The following ITPR3 variants were observed in gnomAD, a reference collection of about 807,000 sequenced individuals.
ITPR3 encodes the protein inositol 1,4,5-trisphosphate-gated calcium channel ITPR3.
In ITPR3, 173 loss-of-function variants were observed where a neutral mutation model predicts 293.2. That is an observed-to-expected ratio of 0.59 (90% CI 0.52 to 0.67). The LOEUF (loss-of-function observed/expected upper bound fraction) is 0.67. Among genes scored for constraint, ITPR3 ranks in the 30% least tolerant of loss-of-function variants. The probability of loss-of-function intolerance (pLI) is 0.00; values close to 1 mark genes in which losing one functional copy is unlikely to be tolerated. For missense variants in ITPR3, 2,796 were observed against 3,592.1 expected, an observed-to-expected ratio of 0.78 and a Z score of 5.66; for synonymous variants, 1,295 against 1,444.4, an observed-to-expected ratio of 0.90 and a Z score of 2.35.
At position 33,667,918 on chromosome 6, in the gene ITPR3, G is replaced by A. The variant is rs376588706; in HGVS notation, c.1840G>A (p.Glu614Lys). 6.2e-7 allele frequency: 1 copy of A among 1,614,228 alleles called. No homozygotes were observed. The highest frequency in any genetic ancestry group is 8.5e-7 in the Non-Finnish European group (1 of 1,180,038). Residue 614 changes from glutamate (E) to lysine (K), a missense_variant, in exon 16 of 58, where the codon GAG becomes AAG. By Grantham distance (56) the Glu-to-Lys change is moderately conservative. This residue lies in a region of ITPR3 where 955 missense variants were observed against 1,180.8 expected (regional missense o/e 0.81). Coordinates refer to ENST00000605930, the MANE Select transcript of ITPR3 (RefSeq NM_002224.4). This position sits in a 1 kb window ranked among gnomAD's most constrained non-coding sequence, Gnocchi z 4.4. ...KLLEKHITKT[E>K]VETFVSLVRK... ...CCTGGAAAAGCACATCACCAAGACC[G>A]AGGTGGAGACCTTCGTCAGCCTTGT...
Position 33,673,661 on chromosome 6 carries a change from A to G in ITPR3, c.2999A>G (p.Glu1000Gly). 6.2e-7 allele frequency: 1 copy of G among 1,613,762 alleles called. No individual in the cohort carries two copies. Among genetic ancestry groups the G allele is most frequent in the Admixed American group, 1.7e-5 (1 of 60,024 alleles). The change falls in exon 23 of 58, where the codon GAG (glutamate) becomes GGG (glycine). Residue 1000 changes from glutamate to glycine, a missense_variant. Coordinates refer to ENST00000605930, the MANE Select transcript of ITPR3 (RefSeq NM_002224.4). ...LLSVFKKEFV[E>G]VFPMQDSGAD... ...TCTGTCTTCAAGAAGGAGTTTGTGG[A>G]GGTGTTTCCCATGCAGGACAGTGGG...
intron 1 of ITPR3, among the ~76,000 whole-genome samples, chr6:33,627,065 C>T (rs1443694682): frequency 6.6e-6 from 1 of 152,168 alleles, no homozygotes; most frequent in Non-Finnish European, 1.5e-5. Flanking sequence ...GCCTCGGCTT[C>T]CCAAAGTGCT....
chr6:33,626,283 G>T (rs760055143), intron 1 of ITPR3, among the ~76,000 whole-genome samples: 1 of 152,046 alleles, frequency 6.6e-6, no homozygotes, highest in African/African-American at 2.4e-5. Flanking sequence ...GTGAGTTTCC[G>T]TCAGCCTGCA....
chr6:33,640,497 C>T lies in ITPR3; in HGVS notation c.103C>T (p.Arg35Cys). The change falls in exon 2 of 58, where the codon CGC (arginine) becomes TGC (cysteine). Residue 35 changes from arginine (R) to cysteine (C), a missense_variant. Arg to Cys is a radical substitution (Grantham distance 180). Transcript: ENST00000605930. ...TTTGTTCCCCAGGCTGGTGGATGACCGCTGTGTGGTGGAGCCCGCGGCCGG... is the reference window on the plus strand; with the variant it reads ...TTTGTTCCCCAGGCTGGTGGATGACTGCTGTGTGGTGGAGCCCGCGGCCGG... Reference protein sequence around the residue: ...FISTLGLVDDRCVVEPAAGDL... With the variant: ...FISTLGLVDDCCVVEPAAGDL... 1.2e-6 allele frequency: 2 copies of T among 1,613,572 alleles called. No individual in the cohort carries two copies. The highest frequency in any genetic ancestry group is 8.5e-7 in the Non-Finnish European group (1 of 1,179,738).
At position 33,693,656 on chromosome 6, in the gene ITPR3, A is replaced by G. The variant is rs1040462339; in HGVS notation, c.7736A>G (p.Asn2579Ser). 1 of 1,614,184 alleles carries G rather than the reference A, an allele frequency of 6.2e-7. No individual in the cohort carries two copies. The highest frequency in any genetic ancestry group is 1.3e-5 in the African/African-American group (1 of 75,056). ...TTCATTGTGCTGGTCCGCGTGAAGA[A>G]CAAGACCGACTACACGGGCCCTGAG... ...LYFIVLVRVK[N>S]KTDYTGPESY... Residue 2579 changes from asparagine to serine, a missense_variant, in exon 56 of 58, where the codon AAC becomes AGC. Physicochemically the swap from Asn to Ser is conservative, Grantham distance 46. Transcript: ENST00000605930.
At position 33,655,907 on chromosome 6, in the gene ITPR3, C is replaced by T. The variant is rs191542110; in HGVS notation, c.282+20C>T. The T allele has an allele frequency of 1.1e-3, 1,809 of 1,613,330 alleles. 2 individuals carry two copies. The highest frequency in any genetic ancestry group is 1.3e-3 in the Non-Finnish European group (1,522 of 1,179,648). On this transcript the variant is annotated intron_variant, in intron 3 of 57. Coordinates refer to ENST00000605930, the MANE Select transcript of ITPR3 (RefSeq NM_002224.4). This position sits in a 1 kb window ranked among gnomAD's most constrained non-coding sequence, Gnocchi z 4.9. ...CTGCAGGTATGTGTGTGTGTGCAGG[C>T]GTGCATCTGTGCACATGTACCAGGA...
chr6:33,689,122 C>G, intron 49 of ITPR3, 116 bp from the exon 50 acceptor site: 2 of 1,240,174 alleles, frequency 1.6e-6, no homozygotes, highest in South Asian at 1.4e-5. Flanking sequence ...AACCAGGCAC[C>G]AGGAACTTAA....
chr6:33,691,620 C>G lies in ITPR3; in HGVS notation c.7231C>G (p.Pro2411Ala), dbSNP rs775105553. 5 of 1,613,882 alleles carry G rather than the reference C, an allele frequency of 3.1e-6. No homozygotes were observed. The East Asian group carries it at 1.1e-4, about 36-fold the overall frequency. Residue 2411 changes from proline to alanine, a missense_variant, in exon 53 of 58, where the codon CCC (proline) becomes GCC (alanine). This residue lies in a region of ITPR3 where 568 missense variants were observed against 796.1 expected (regional missense o/e 0.71). Transcript: ENST00000605930. The surrounding 1 kb of genome is among the most constrained non-coding windows in gnomAD (Gnocchi z 4.9). ...RLPNNHSTAS[P>A]LGMPHGAAAF... ...CTCATCCATATCCCCTCCAGCCAGC[C>G]CCCTGGGGATGCCACATGGAGCTGC...
chr6:33,667,263 T>C lies in ITPR3; in HGVS notation c.1686T>C (p.His562=), dbSNP rs769640408. The part of the protein sequence containing the change: ...MFRLCYRVLR[H]SQEDYRKNQE... ...GCCTGTGCTACCGCGTGTTGCGGCA[T>C]TCCCAGGAGGACTACCGCAAGAACC... The change falls in exon 15 of 58, where the codon CAT becomes CAC. Residue 562 remains histidine (H), a synonymous_variant. Transcript: ENST00000605930. The surrounding 1 kb of genome is among the most constrained non-coding windows in gnomAD (Gnocchi z 4.4). The C allele has an allele frequency of 6.2e-7, 1 of 1,612,982 alleles. No individual in the cohort carries two copies. The highest frequency in any genetic ancestry group is 8.5e-7 in the Non-Finnish European group (1 of 1,179,910).
At chr6:33,663,644 GAGGGAGAC>G in intron 10 of ITPR3, 86 bp from the exon 11 acceptor site, 1 of 1,607,514 alleles carries the variant, frequency 6.2e-7, no homozygotes, top group Admixed American at 1.7e-5. Flanking sequence ...AGGTGGGCTG[GAGGGAGAC>G]AGATGGGATC....
In ITPR3 at chr6:33,696,029, A is replaced by G. The variant is rs1765535771; in HGVS notation, c.*249A>G. On this transcript the variant is annotated 3_prime_UTR_variant, in exon 58 of 58. Coordinates refer to ENST00000605930, the MANE Select transcript of ITPR3 (RefSeq NM_002224.4). ...GGGACTCAGTTTACCTTAATGCCTT[A>G]GCAGAAGATAAATCCTACCTAGAGA... 1 of 530,424 alleles carries G rather than the reference A, an allele frequency of 1.9e-6. No individual in the cohort carries two copies. Among genetic ancestry groups the G allele is most frequent in the Non-Finnish European group, 3.4e-6 (1 of 296,424 alleles). The allele number at this position is 530,424 out of a possible 1,614,324, so 32.9% of individuals were successfully genotyped here.
Position 33,668,456 on chromosome 6 carries a change from G to A in ITPR3, c.1887-59G>A, listed in dbSNP as rs568425265. On this transcript the variant is annotated intron_variant, in intron 16 of 57. Transcript: ENST00000605930. ...CTGGGGAAGGGGAAGGGTGGGCTCT[G>A]TCCTTAGAGGGACCAGCCTCTGAGA... is the stretch of plus-strand genomic sequence containing the variant. 1.6e-5 allele frequency: 25 copies of A among 1,610,922 alleles called. No individual in the cohort carries two copies. The African/African-American group carries it at 2.4e-4, about 15-fold the overall frequency.
chr6:33,674,090 G>A, intron 23 of ITPR3, 118 bp from the exon 24 acceptor site: 2 of 1,267,810 alleles, frequency 1.6e-6, no homozygotes, highest in South Asian at 2.5e-5. Context: ...GAAAGGGGCA[G>A]GCAGAGCAGC....
intron 27 of ITPR3, 103 bp from the exon 28 acceptor site, chr6:33,677,401 C>G (rs1199071183): frequency 6.6e-7 from 1 of 1,525,558 alleles, no homozygotes; most frequent in East Asian, 2.3e-5. Flanking sequence ...CCTCCTTCCC[C>G]CTTCCTGTCC....
At chr6:33,690,832 C>A in intron 51 of ITPR3, 85 bp from the exon 52 acceptor site, 3 of 1,276,224 alleles carry the variant, frequency 2.4e-6, no homozygotes, top group Non-Finnish European at 3.4e-6. Flanking sequence ...GCCCAGGCAG[C>A]CCTCAGGGTT....
At position 33,694,842 on chromosome 6, in the gene ITPR3, TC is replaced by T. The variant is rs558443045; in HGVS notation, c.7786-76del. The T allele has an allele frequency of 1.5e-4, 239 of 1,546,912 alleles. 1 individual carries two copies. In the African/African-American group the frequency reaches 2.9e-3, roughly 19 times the overall value. ...TTTTGTTAAGGGTGTGGCAGAAGCC[TC>T]CCCCCACATTACTGTTTTTCTAAAT... is the stretch of plus-strand genomic sequence containing the variant. On this transcript the variant is annotated intron_variant, in intron 56 of 57. Coordinates refer to ENST00000605930, the MANE Select transcript of ITPR3 (RefSeq NM_002224.4).
chr6:33,688,488 T>C (rs1765300186), intron 48 of ITPR3, 57 bp downstream of exon 48: 8 of 1,501,422 alleles, frequency 5.3e-6, no homozygotes, highest in Non-Finnish European at 5.3e-6. Context: ...TGATGCCCTG[T>C]TATAACGGCC....
Position 33,670,963 on chromosome 6 carries a change from G to T in ITPR3, c.2586+148G>T. ...GCCAGTGCAGGGGGACCGCATAGAA[G>T]GCTGGGATTCTCCAAGAGGCAGGCT... On this transcript the variant is annotated intron_variant, in intron 20 of 57. Coordinates refer to ENST00000605930, the MANE Select transcript of ITPR3 (RefSeq NM_002224.4). This position sits in a 1 kb window ranked among gnomAD's most constrained non-coding sequence, Gnocchi z 6.7. 1 of 1,317,172 alleles carries T rather than the reference G, an allele frequency of 7.6e-7. No homozygotes were observed. Among genetic ancestry groups the T allele is most frequent in the East Asian group, 2.3e-5 (1 of 43,078 alleles). 81.6% of individuals were successfully genotyped at this position (1,317,172 alleles called of 1,614,324 possible).
At chr6:33,634,346 T>C (rs80106788) in intron 1 of ITPR3, among the ~76,000 whole-genome samples, 4,444 of 152,218 alleles carry the variant, frequency 0.029, 81 homozygotes, top group African/African-American at 0.033. Flanking sequence ...AGAATGGAGC[T>C]TAGCATTCCC....
Sources: gnomAD v4.1 joint callset for allele counts (sites outside exome capture counted in the v4.1 genomes callset) on GRCh38, gnomAD v4.1.1 for gene constraint, gnomAD v4.1.1 regional missense constraint, Gnocchi (gnomAD v3.1) non-coding constraint, MANE v1.5 for transcripts, NCBI Gene and HGNC (gene_info 2026-07-23, HGNC 2026-07-21) for gene names.